INTS2: variants seen among roughly 807,000 people sequenced by gnomAD.
INTS2 encodes integrator complex subunit 2.
Under a neutral mutation model 139.6 loss-of-function variants are expected in INTS2, and 57 were observed. The ratio of observed to expected loss-of-function variants is 0.41; its 90% confidence interval spans 0.33 to 0.51. The LOEUF is 0.51. Ranked by LOEUF, INTS2 falls within the 20% of genes least tolerant of loss-of-function variation. The pLI is 0.28. For missense variants in INTS2, 1,196 were observed against 1,436.7 expected, an observed-to-expected ratio of 0.83 and a Z score of 2.71; for synonymous variants, 473 against 493.4, an observed-to-expected ratio of 0.96 and a Z score of 0.55.
Position 61,911,512 on chromosome 17 carries a change from A to T in INTS2, c.954+8T>A. The T allele has an allele frequency of 6.2e-7, 1 of 1,613,440 alleles. No individual in the cohort carries two copies. The highest frequency in any genetic ancestry group is 8.5e-7 in the Non-Finnish European group (1 of 1,179,498). ...GATCCTTAGCCTATACAGATATTTA[A>T]CCCTCACCTGCTGTCCATTTCGGAT... On this transcript the variant is annotated splice_region_variant and intron_variant, in intron 7 of 24. Coordinates refer to ENST00000251334, the MANE Select transcript of INTS2 (RefSeq NM_001351695.2).
Position 61,907,418 on chromosome 17 carries a change from C to A in INTS2, c.1171G>T (p.Ala391Ser). The A allele has an allele frequency of 1.3e-6, 2 of 1,583,210 alleles. No homozygotes were observed. The highest frequency in any genetic ancestry group is 8.6e-7 in the Non-Finnish European group (1 of 1,163,872). ...CAAACTATTGAATACTTGAGTCCAG[C>A]GATCCCCATCAAAGCACAGTACAGA... ...LRLYCALMGIAGLKPTEEEAE... is the reference protein window; with the variant it reads ...LRLYCALMGISGLKPTEEEAE... The change falls in exon 8 of 25, where the codon GCT (alanine) becomes TCT (serine). Residue 391 changes from alanine (A) to serine (S), a missense_variant. By Grantham distance (99) the Ala-to-Ser change is moderately conservative. Coordinates refer to ENST00000251334, the MANE Select transcript of INTS2 (RefSeq NM_001351695.2).
At chr17:61,903,018 A>T (rs985478511) in intron 9 of INTS2, among the ~76,000 whole-genome samples, 7 of 151,060 alleles carry the variant, frequency 4.6e-5, no homozygotes, top group African/African-American at 1.7e-4. Flanking sequence ...TACAAAAATT[A>T]GCCGGGCGTG....
In INTS2 at chr17:61,875,085, A is replaced by G; in HGVS notation, c.2457-47T>C. The G allele has an allele frequency of 7.1e-7, 1 of 1,398,622 alleles. No individual in the cohort carries two copies. Among genetic ancestry groups the G allele is most frequent in the East Asian group, 2.6e-5 (1 of 38,424 alleles). The allele number at this position is 1,398,622 out of a possible 1,614,324, so 86.6% of individuals were successfully genotyped here. A position where few individuals can be genotyped will look rare whatever the true frequency, so the allele number is the denominator to read the frequency against. ...GTTCAAAACAGTTTTTTATATATTA[A>G]AATCTGTAGCCATCCAGTCCTTTCT... On this transcript the variant is annotated intron_variant, in intron 18 of 24. Coordinates refer to ENST00000251334, the MANE Select transcript of INTS2 (RefSeq NM_001351695.2). The surrounding 1 kb of genome is among the most constrained non-coding windows in gnomAD (Gnocchi z 4.6).
chr17:61,901,779 G>A (rs535616568), intron 9 of INTS2, among the ~76,000 whole-genome samples: 2 of 151,432 alleles, frequency 1.3e-5, no homozygotes, highest in East Asian at 3.9e-4. Flanking sequence ...ATTTTTTTTA[G>A]TAGAGACGGG....
rs769514326 is a variant in INTS2, at chr17:61,926,414, A to G, written c.231T>C (p.Val77=). Residue 77 remains valine, a synonymous_variant, in exon 2 of 25, where the codon GTT becomes GTC. Transcript: ENST00000251334. ...LSGVEAVNSI[V]ALLSVDFHAL... The stretch of plus-strand genomic sequence containing the variant: ...CATGAAAGTCCACGGACAACAATGC[A>G]ACAATGGAGTTGACAGCTTCCACTC... 2.5e-6 allele frequency: 4 copies of G among 1,613,612 alleles called. No homozygotes were observed. In the African/African-American group the frequency reaches 5.3e-5, roughly 22 times the overall value.
intron 3 of INTS2, among the ~76,000 whole-genome samples, chr17:61,922,509 A>AATATAT (rs2079654207): frequency 2.0e-5 from 1 of 49,066 alleles, no homozygotes; most frequent in African/African-American, 6.4e-5. Flanking sequence ...AAAACAAACA[A>AATATAT]ACATATATAT....
chr17:61,918,800 AC>A (rs1358849508), intron 5 of INTS2, among the ~76,000 whole-genome samples: 2 of 152,198 alleles, frequency 1.3e-5, no homozygotes, highest in Non-Finnish European at 2.9e-5. Flanking sequence ...GGGCTAAAAA[AC>A]AAAGGTCTGA....
Position 61,869,468 on chromosome 17 carries a change from T to C in INTS2, c.3031-88A>G. 9.2e-7 allele frequency: 1 copy of C among 1,084,938 alleles called. No homozygotes were observed. Among genetic ancestry groups the C allele is most frequent in the Admixed American group, 2.4e-5 (1 of 42,468 alleles). 67.2% of individuals were successfully genotyped at this position (1,084,938 alleles called of 1,614,324 possible). The stretch of plus-strand genomic sequence containing the variant: ...ATACAAATGAAAGATTTCATTTCCT[T>C]TCTGTAAAAATTGCTCAGAAGGCTA... On this transcript the variant is annotated intron_variant, in intron 21 of 24. Coordinates refer to ENST00000251334, the MANE Select transcript of INTS2 (RefSeq NM_001351695.2). The surrounding 1 kb of genome is among the most constrained non-coding windows in gnomAD (Gnocchi z 5.4).
rs964137430 is a variant in INTS2 at position 61,912,206 on chromosome 17, G to C, written c.650-136C>G. The C allele has an allele frequency of 2.6e-5, 22 of 833,836 alleles. No homozygotes were observed. In the African/African-American group the frequency reaches 3.8e-4, roughly 14 times the overall value. 51.7% of individuals were successfully genotyped at this position (833,836 alleles called of 1,614,324 possible). Reference sequence around the variant, plus strand: ...GCCAAAATGAAGCAAAAAATGAAAAGAGACTTAAAAAAGAATAGTAAACTC... The same window carrying C: ...GCCAAAATGAAGCAAAAAATGAAAACAGACTTAAAAAAGAATAGTAAACTC... On this transcript the variant is annotated intron_variant, in intron 5 of 24. Coordinates refer to ENST00000251334, the MANE Select transcript of INTS2 (RefSeq NM_001351695.2).
chr17:61,912,185 A>G, intron 5 of INTS2, 115 bp from the exon 6 acceptor site: 1 of 1,014,722 alleles, frequency 9.9e-7, no homozygotes, highest in East Asian at 2.4e-5. Flanking sequence ...AAATTGGCCA[A>G]AATGAAGCAA....
rs1324967304 is a variant in INTS2 at position 61,878,003 on chromosome 17, T to C, written c.2340A>G (p.Pro780=). 2.5e-6 allele frequency: 4 copies of C among 1,612,314 alleles called. No individual in the cohort carries two copies. Among genetic ancestry groups the C allele is most frequent in the Non-Finnish European group, 3.4e-6 (4 of 1,178,462 alleles). Residue 780 remains proline, a synonymous_variant, in exon 18 of 25, where the codon CCA becomes CCG. Transcript: ENST00000251334. ...LTLLSASELI[P]YAEVLTSNMS... is the part of the protein sequence containing the mutation. Reference sequence around the variant, plus strand: ...TATTGGATGTTAACACTTCCGCATATGGTATAAGTTCACTGGCAGAGAGTA... The same window carrying C: ...TATTGGATGTTAACACTTCCGCATACGGTATAAGTTCACTGGCAGAGAGTA...
rs767963709 is a variant in INTS2 at position 61,869,946 on chromosome 17, T to C, written c.2821A>G (p.Thr941Ala). Residue 941 changes from threonine to alanine, a missense_variant, in exon 21 of 25, where the codon ACT becomes GCT. This residue lies in a region of INTS2 where 1,129 missense variants were observed against 1,341.9 expected (regional missense o/e 0.84). Transcript: ENST00000251334. This position sits in a 1 kb window ranked among gnomAD's most constrained non-coding sequence, Gnocchi z 5.4. ...ACACCATTTGCTTTCTCCTCTTCAG[T>C]AGGTAGGCAAATCTCTAAGAGAATC... is the stretch of plus-strand genomic sequence containing the variant. The part of the protein sequence containing the change: ...VQILLEICLP[T>A]EEEKANGVNP... 22 of 1,613,600 alleles carry C rather than the reference T, an allele frequency of 1.4e-5. No individual in the cohort carries two copies. Among genetic ancestry groups the C allele is most frequent in the Non-Finnish European group, 1.9e-5 (22 of 1,179,604 alleles).
Position 61,867,265 on chromosome 17 carries a change from GC to G in INTS2, c.*291del, listed in dbSNP as rs558464240. On this transcript the variant is annotated 3_prime_UTR_variant, in exon 25 of 25. Transcript: ENST00000251334. The surrounding 1 kb of genome is among the most constrained non-coding windows in gnomAD (Gnocchi z 5.6). Reference sequence around the variant, plus strand: ...CTTCACTTCAAAAGCTAAATACAAGGCCAAATTCCCTTTCCAATAATGAGTT... The same window carrying G: ...CTTCACTTCAAAAGCTAAATACAAGGCAAATTCCCTTTCCAATAATGAGTT... 1.8e-4 allele frequency: 34 copies of G among 188,756 alleles called. No individual in the cohort carries two copies. Among genetic ancestry groups the G allele is most frequent in the Middle Eastern group, 2.1e-3 (1 of 482 alleles). The allele number at this position is 188,756 out of a possible 1,614,324, so 11.7% of individuals were successfully genotyped here.
chr17:61,898,421 A>G (rs2079370957), intron 9 of INTS2, among the ~76,000 whole-genome samples: 1 of 151,992 alleles, frequency 6.6e-6, no homozygotes, highest in South Asian at 2.1e-4. Context: ...CAGCCTCCCA[A>G]GTAGTTGGGA....
chr17:61,878,160 T>A, intron 17 of INTS2, 72 bp from the exon 18 acceptor site: 1 of 916,540 alleles, frequency 1.1e-6, no homozygotes, highest in South Asian at 1.4e-5. Context: ...TAGTGTTCTC[T>A]CAGACTATAG....
intron 5 of INTS2, among the ~76,000 whole-genome samples, chr17:61,917,787 G>C (rs547194899): frequency 3.3e-5 from 5 of 151,398 alleles, no homozygotes; most frequent in Admixed American, 3.3e-4. Context: ...ATAAAACTTC[G>C]AATTTTTTTA....
rs761664856 is a variant in INTS2 at position 61,895,315 on chromosome 17, C to G, written c.1563G>C (p.Gln521His). The G allele has an allele frequency of 6.4e-7, 1 of 1,551,488 alleles. No individual in the cohort carries two copies. The highest frequency in any genetic ancestry group is 8.7e-7 in the Non-Finnish European group (1 of 1,146,852). Residue 521 changes from glutamine (Q) to histidine (H), a missense_variant and splice_region_variant, in exon 12 of 25, where the codon CAG (glutamine) becomes CAC (histidine). Physicochemically the swap from Gln to His is conservative, Grantham distance 24. Coordinates refer to ENST00000251334, the MANE Select transcript of INTS2 (RefSeq NM_001351695.2). Reference sequence around the variant, plus strand: ...AGTACCTAAGAATAAAAAGAAATACCTGCTCAGTAAAAATTTCCTGTGTGA... The same window carrying G: ...AGTACCTAAGAATAAAAAGAAATACGTGCTCAGTAAAAATTTCCTGTGTGA... ...TIFTQEIFTEQVVTAHAVRVP... is the reference protein window; with the variant it reads ...TIFTQEIFTEHVVTAHAVRVP...
At chr17:61,926,090 CCCTA>C (rs1259067880) in intron 2 of INTS2, among the ~76,000 whole-genome samples, 1 of 152,044 alleles carries the variant, frequency 6.6e-6, no homozygotes, top group African/African-American at 2.4e-5. Flanking sequence ...GGGGAAGTTA[CCCTA>C]CCTACTTCCC....
intron 16 of INTS2, among the ~76,000 whole-genome samples, chr17:61,884,214 GGCATGGT>G (rs1170500108): frequency 6.6e-6 from 1 of 152,070 alleles, no homozygotes; most frequent in Non-Finnish European, 1.5e-5. Context: ...GGGGAGGCCG[GGCATGGT>G]GGCTCACTCC....
Sources: allele counts gnomAD v4.1 joint callset (sites outside exome capture counted in the v4.1 genomes callset), GRCh38; gene constraint gnomAD v4.1.1; regional missense constraint gnomAD v4.1.1; non-coding constraint Gnocchi (gnomAD v3.1); transcripts MANE v1.5; gene names NCBI Gene and HGNC (gene_info 2026-07-23, HGNC 2026-07-21).